Variants in FAAH2 observed in about 807,000 individuals in gnomAD.
FAAH2 encodes the protein fatty-acid amide hydrolase 2.
Under a neutral mutation model 36.9 loss-of-function variants are expected in FAAH2, and 60 were observed. That is an observed-to-expected ratio of 1.63 (90% CI 1.32 to 2.02). The LOEUF (loss-of-function observed/expected upper bound fraction) is 2.02, where lower values mean the gene tolerates loss of function less well. FAAH2 is among the 30% of genes most tolerant of loss of function. The pLI is 0.00. For missense variants in FAAH2, 689 were observed against 397.5 expected (o/e 1.73, Z -6.23); for synonymous variants, 214 against 143.8 (o/e 1.49, Z -3.49).
At chrX:57,242,254 T>A in the FAAH2 span, among the ~76,000 whole-genome samples, 1 of 112,018 alleles carries the variant, frequency 8.9e-6, no homozygotes. Flanking sequence ...AGCTTCCAGA[T>A]GAAGGAGCAG....
At chrX:57,230,019 T>C in the FAAH2 span, among the ~76,000 whole-genome samples, 1 of 111,826 alleles carries the variant, frequency 8.9e-6, no homozygotes, top group Admixed American at 9.5e-5. Flanking sequence ...CACATCTAAG[T>C]TTTATAATTA....
At chrX:57,200,900 CT>C in the FAAH2 span, among the ~76,000 whole-genome samples, 1,173 of 110,533 alleles carry the variant, frequency 0.011, 15 homozygotes, top group African/African-American at 0.036. Flanking sequence ...CATAAACATT[CT>C]TTTTTTTCTT....
At chrX:57,362,376 T>C (rs1056629343) in intron 5 of FAAH2, among the ~76,000 whole-genome samples, 1 of 110,655 alleles carries the variant, frequency 9.0e-6, no homozygotes, top group African/African-American at 3.3e-5. Context: ...AGGGGACAGA[T>C]AGCATTAGGA....
intron 2 of FAAH2, among the ~76,000 whole-genome samples, chrX:57,309,453 C>T (rs1475279670): frequency 2.7e-5 from 3 of 111,635 alleles, no homozygotes; most frequent in African/African-American, 9.8e-5. Context: ...TAGGAAACAC[C>T]ACTTTTTATT....
intron 7 of FAAH2, among the ~76,000 whole-genome samples, chrX:57,410,087 G>C (rs1367933448): frequency 9.1e-6 from 1 of 109,955 alleles, no homozygotes; most frequent in Non-Finnish European, 1.9e-5. Context: ...GTTTTCATTT[G>C]TCCAAGATTT....
intron 4 of FAAH2, among the ~76,000 whole-genome samples, chrX:57,339,208 C>T (rs955342606): frequency 6.2e-5 from 7 of 112,270 alleles, no homozygotes; most frequent in Non-Finnish European, 1.1e-4. Context: ...ACTAGCTAGA[C>T]ATATGCAGAA....
chrX:57,445,147 C>T (rs930617038), intron 8 of FAAH2, among the ~76,000 whole-genome samples: 8 of 111,608 alleles, frequency 7.2e-5, no homozygotes, highest in African/African-American at 2.3e-4. Context: ...CCCGTGTATT[C>T]GAAGAGGATT....
intron 5 of FAAH2, among the ~76,000 whole-genome samples, chrX:57,351,392 G>C (rs934248111): frequency 3.6e-5 from 4 of 111,129 alleles, no homozygotes; most frequent in Non-Finnish European, 7.6e-5. Flanking sequence ...AAAGTACAAA[G>C]ATTACAAAGT....
the FAAH2 span, among the ~76,000 whole-genome samples, chrX:57,165,253 C>A: frequency 8.9e-6 from 1 of 111,827 alleles, no homozygotes; most frequent in African/African-American, 3.3e-5. Context: ...ATGTTTACTG[C>A]GGCATTATTC....
intron 5 of FAAH2, among the ~76,000 whole-genome samples, chrX:57,349,129 A>G (rs186165827): frequency 1.1e-5 from 1 of 91,669 alleles, no homozygotes; most frequent in African/African-American, 3.7e-5. Flanking sequence ...ATATATACAC[A>G]TATATATATT....
At chrX:57,216,079 G>A in the FAAH2 span, among the ~76,000 whole-genome samples, 47 of 108,084 alleles carry the variant, frequency 4.3e-4, no homozygotes, top group African/African-American at 1.5e-3. Context: ...AAAATCCATT[G>A]GTGGGATTTT....
At chrX:57,251,210 T>C in the FAAH2 span, among the ~76,000 whole-genome samples, 3 of 112,158 alleles carry the variant, frequency 2.7e-5, 1 homozygote, top group Admixed American at 9.5e-5. Flanking sequence ...GCAAAACAAA[T>C]AAATGTGATA....
At chrX:57,437,226 T>C (rs2056428027) in intron 8 of FAAH2, among the ~76,000 whole-genome samples, 1 of 110,860 alleles carries the variant, frequency 9.0e-6, no homozygotes. Context: ...AATGAACATA[T>C]CTCAATGTAA....
chrX:57,181,725 C>G, the FAAH2 span, among the ~76,000 whole-genome samples: 3 of 111,853 alleles, frequency 2.7e-5, no homozygotes, highest in African/African-American at 9.7e-5. Context: ...CTAGAAAAAA[C>G]TATTTTAAAA....
At chrX:57,368,969 A>G (rs897607116) in intron 5 of FAAH2, among the ~76,000 whole-genome samples, 1 of 109,951 alleles carries the variant, frequency 9.1e-6, no homozygotes, top group African/African-American at 3.3e-5. Flanking sequence ...ACACACTGCA[A>G]CAAAATCAGA....
rs775536166 is a variant in FAAH2 at position 57,477,148 on chromosome X, C to T, written c.1424-11609C>T. Among the ~76,000 whole-genome samples, 21 of 110,355 alleles carry T rather than the reference C, an allele frequency of 1.9e-4. No individual in the cohort carries two copies. In the South Asian group the frequency reaches 7.2e-3, roughly 38 times the overall value. The stretch of plus-strand genomic sequence containing the variant: ...TATTTTGTTAATCTTTTCAAAAAAC[C>T]TGTTCCTGGAGTCATTGATTTTTTT... On this transcript the variant is annotated intron_variant, in intron 10 of 10. Coordinates refer to ENST00000374900, the MANE Select transcript of FAAH2 (RefSeq NM_174912.4).
chrX:57,191,353 ATGAT>A, the FAAH2 span, among the ~76,000 whole-genome samples: 1 of 111,499 alleles, frequency 9.0e-6, no homozygotes, highest in Non-Finnish European at 1.9e-5. Context: ...TCTTTCCTAT[ATGAT>A]TGTTTGAGCT....
chrX:57,452,048 G>C (rs2056792936), intron 10 of FAAH2: 1 of 331,061 alleles, frequency 3.0e-6, no homozygotes. Flanking sequence ...TAATAATTGG[G>C]AGAGGTGATT....
At chrX:57,332,785 A>T (rs1225202837) in intron 4 of FAAH2, among the ~76,000 whole-genome samples, 1 of 111,922 alleles carries the variant, frequency 8.9e-6, no homozygotes, top group Non-Finnish European at 1.9e-5. Flanking sequence ...GGAGGGAAAA[A>T]GTAGCCATTT....
Sources: gnomAD v4.1 joint callset for allele counts (sites outside exome capture counted in the v4.1 genomes callset) on GRCh38, gnomAD v4.1.1 for gene constraint, MANE v1.5 for transcripts, NCBI Gene and HGNC (gene_info 2026-07-23, HGNC 2026-07-21) for gene names.